The following TAF2 variants were observed in gnomAD, a reference collection of about 807,000 sequenced individuals.
TAF2 encodes TATA-box binding protein associated factor 2.
A neutral mutation model predicts 138.5 loss-of-function variants in TAF2; 61 were observed. The ratio of observed to expected loss-of-function variants is 0.44; its 90% CI spans 0.36 to 0.54. The LOEUF is 0.54. Among genes scored for constraint, TAF2 ranks in the 20% least tolerant of loss-of-function variants. The probability of loss-of-function intolerance (pLI) is 0.00; values close to 1 mark genes in which losing one functional copy is unlikely to be tolerated. For synonymous variants in TAF2, 475 were observed against 469.9 expected, an observed-to-expected ratio of 1.01 and a Z score of -0.14; for missense variants, 1,090 against 1,427.9, an observed-to-expected ratio of 0.76 and a Z score of 3.81.
chr8:119,830,361 T>A (rs1392226833), intron 2 of TAF2, among the ~76,000 whole-genome samples: 1 of 152,216 alleles, frequency 6.6e-6, no homozygotes, highest in Non-Finnish European at 1.5e-5. Flanking sequence ...TGTTCACTAA[T>A]TCAATCATGT....
At chr8:119,782,192 C>G (rs543100362) in intron 16 of TAF2, among the ~76,000 whole-genome samples, 8 of 152,120 alleles carry the variant, frequency 5.3e-5, no homozygotes, top group African/African-American at 1.4e-4. Flanking sequence ...TCAATCTACC[C>G]TAACTGAACC....
intron 5 of TAF2, among the ~76,000 whole-genome samples, chr8:119,803,190 G>A (rs1824382941): frequency 1.3e-5 from 2 of 152,236 alleles, no homozygotes; most frequent in East Asian, 1.9e-4. Flanking sequence ...GTGAGAGGAG[G>A]TCTCTATAAT....
At chr8:119,737,545 G>C (rs1819306184) in intron 25 of TAF2, among the ~76,000 whole-genome samples, 2 of 135,228 alleles carry the variant, frequency 1.5e-5, no homozygotes, top group South Asian at 4.5e-4. Context: ...GTCTCACTCT[G>C]TCGCCCAGGC....
At position 119,832,675 on chromosome 8, in the gene TAF2, GC is replaced by G; in HGVS notation, c.-112del. On this transcript the variant is annotated 5_prime_UTR_variant, in exon 1 of 26. Coordinates refer to ENST00000378164, the MANE Select transcript of TAF2 (RefSeq NM_003184.4). The stretch of plus-strand genomic sequence containing the variant: ...CCCTGCGGTCCCCAAGTCACGTCTC[GC>G]AGCTGGCCGGTGCCCAGGTGAGCGA... 9.6e-7 allele frequency: 1 copy of G among 1,038,546 alleles called. No individual in the cohort carries two copies. The highest frequency in any genetic ancestry group is 1.4e-6 in the Non-Finnish European group (1 of 722,712). The allele number at this position is 1,038,546 out of a possible 1,614,324, so 64.3% of individuals were successfully genotyped here.
chr8:119,807,520 T>C (rs1417680183), intron 3 of TAF2, among the ~76,000 whole-genome samples: 1 of 152,226 alleles, frequency 6.6e-6, no homozygotes, highest in Non-Finnish European at 1.5e-5. Flanking sequence ...ACAAACACCA[T>C]GGACCACATC....
At chr8:119,820,122 T>C (rs1007143212) in intron 2 of TAF2, among the ~76,000 whole-genome samples, 2 of 152,182 alleles carry the variant, frequency 1.3e-5, no homozygotes, top group African/African-American at 4.8e-5. Flanking sequence ...ATGGTAGCAA[T>C]GTCTCTGTAT....
chr8:119,772,854 T>C (rs922004939), intron 18 of TAF2, among the ~76,000 whole-genome samples: 2 of 151,456 alleles, frequency 1.3e-5, no homozygotes, highest in African/African-American at 2.4e-5. Context: ...GGAGAATCAC[T>C]TGAACCCAGG....
At chr8:119,802,797 A>T (rs1172649612) in intron 5 of TAF2, among the ~76,000 whole-genome samples, 1 of 152,194 alleles carries the variant, frequency 6.6e-6, no homozygotes, top group Non-Finnish European at 1.5e-5. Context: ...CTGTAATCCC[A>T]GCTACTCCAG....
chr8:119,790,117 C>A (rs1823316316), intron 11 of TAF2, among the ~76,000 whole-genome samples: 1 of 152,048 alleles, frequency 6.6e-6, no homozygotes, highest in African/African-American at 2.4e-5. Flanking sequence ...TCTTTATGGA[C>A]CATCTCTCTT....
chr8:119,777,554 A>T (rs1287522827), intron 18 of TAF2, among the ~76,000 whole-genome samples: 3 of 152,006 alleles, frequency 2.0e-5, no homozygotes, highest in Non-Finnish European at 4.4e-5. Flanking sequence ...GAAGCAGGAC[A>T]TCCAATTGCT....
chr8:119,816,712 A>ACAT (rs1360341959), intron 3 of TAF2, among the ~76,000 whole-genome samples: 1 of 152,202 alleles, frequency 6.6e-6, no homozygotes, highest in African/African-American at 2.4e-5. Context: ...CTGCCAATAA[A>ACAT]CATAATATTT....
chr8:119,739,384 G>C (rs1341131133), intron 25 of TAF2, among the ~76,000 whole-genome samples: 1 of 152,066 alleles, frequency 6.6e-6, no homozygotes, highest in Non-Finnish European at 1.5e-5. Flanking sequence ...AAATAATAAA[G>C]TAATGAAGGA....
chr8:119,818,530 G>A (rs767044671), intron 3 of TAF2, among the ~76,000 whole-genome samples: 32 of 151,996 alleles, frequency 2.1e-4, no homozygotes, highest in Non-Finnish European at 3.2e-4. Flanking sequence ...AAACACTAGG[G>A]CACAATCAGG....
chr8:119,737,159 T>C (rs1037339995), intron 25 of TAF2, among the ~76,000 whole-genome samples: 2 of 152,142 alleles, frequency 1.3e-5, no homozygotes, highest in African/African-American at 2.4e-5. Context: ...AACAAATAAA[T>C]TGTTAAAAAT....
chr8:119,774,490 A>G (rs62526568), intron 18 of TAF2, among the ~76,000 whole-genome samples: 1 of 86,902 alleles, frequency 1.2e-5, no homozygotes, highest in African/African-American at 4.5e-5. Context: ...TTTTTTTTGC[A>G]ATTTTTTTTT....
In TAF2 at chr8:119,826,890, CCTT is replaced by C. The variant is rs1471170097; in HGVS notation, c.138+4784_138+4786del. Among the ~76,000 whole-genome samples the C allele has an allele frequency of 3.9e-5, 6 of 152,222 alleles. No homozygotes were observed. In the East Asian group the frequency reaches 5.8e-4, roughly 15 times the overall value. ...CGTGAGCCACCACACCCAGCCTCCT[CCTT>C]CTTAAGATATGTTTTTCAGCCAGGT... is the stretch of plus-strand genomic sequence containing the variant. On this transcript the variant is annotated intron_variant, in intron 2 of 25. Coordinates refer to ENST00000378164, the MANE Select transcript of TAF2 (RefSeq NM_003184.4).
intron 11 of TAF2, among the ~76,000 whole-genome samples, chr8:119,790,228 G>T (rs1586443043): frequency 6.6e-6 from 1 of 152,060 alleles, no homozygotes; most frequent in African/African-American, 2.4e-5. Flanking sequence ...TTGAGCCCAG[G>T]AGTTTGAGAT....
chr8:119,761,162 C>A (rs1450801363), intron 19 of TAF2, among the ~76,000 whole-genome samples: 2 of 152,042 alleles, frequency 1.3e-5, no homozygotes, highest in Admixed American at 6.6e-5. Flanking sequence ...CATTTATTAT[C>A]TTTTATACCG....
chr8:119,819,337 A>T lies in TAF2; in HGVS notation c.299+9T>A. Reference sequence around the variant, plus strand: ...TTAAAAATAGTGACTTTTAAAGTGCATAACTTACTGTTTTGATTCACTGTG... The same window carrying T: ...TTAAAAATAGTGACTTTTAAAGTGCTTAACTTACTGTTTTGATTCACTGTG... On this transcript the variant is annotated intron_variant, in intron 3 of 25. Coordinates refer to ENST00000378164, the MANE Select transcript of TAF2 (RefSeq NM_003184.4). 1 of 1,612,266 alleles carries T rather than the reference A, an allele frequency of 6.2e-7. No homozygotes were observed. The highest frequency in any genetic ancestry group is 8.5e-7 in the Non-Finnish European group (1 of 1,179,436).
Sources: gnomAD v4.1 joint callset for allele counts (sites outside exome capture counted in the v4.1 genomes callset) on GRCh38, gnomAD v4.1.1 for gene constraint, MANE v1.5 for transcripts, NCBI Gene and HGNC (gene_info 2026-07-23, HGNC 2026-07-21) for gene names.